Variants in ADGRA3 observed in about 807,000 individuals in gnomAD.
ADGRA3 encodes G-protein coupled receptor 125.
Under a neutral mutation model 119.8 loss-of-function variants are expected in ADGRA3, and 56 were observed. The ratio of observed to expected loss-of-function variants is 0.47; its 90% CI spans 0.38 to 0.58. ADGRA3 has a LOEUF of 0.58. Ranked by LOEUF, ADGRA3 falls within the 20% of genes least tolerant of loss-of-function variation. The pLI, the probability that ADGRA3 is intolerant of heterozygous loss-of-function variation, is 0.00. For missense variants in ADGRA3, 1,516 were observed against 1,649.0 expected, an observed-to-expected ratio of 0.92 and a Z score of 1.40; for synonymous variants, 607 against 623.8, an observed-to-expected ratio of 0.97 and a Z score of 0.40.
intron 15 of ADGRA3, 111 bp from the exon 16 acceptor site, chr4:22,401,665 T>C: frequency 1.4e-6 from 1 of 695,376 alleles, no homozygotes; most frequent in East Asian, 2.8e-5. Flanking sequence ...ATATTTGATA[T>C]TTAAACATTT....
intron 3 of ADGRA3, chr4:22,455,855 C>T (rs16872669): frequency 0.71 from 899,107 of 1,275,210 alleles, 323,620 homozygotes; most frequent in Non-Finnish European, 0.74. Context: ...GGACTTAGCC[C>T]TATGCAAGAA....
At chr4:22,458,344 G>A (rs903633998) in intron 3 of ADGRA3, among the ~76,000 whole-genome samples, 1 of 152,140 alleles carries the variant, frequency 6.6e-6, no homozygotes, top group African/African-American at 2.4e-5. Context: ...GGTGCAGCCT[G>A]TTTACGGTCA....
rs530102766 is a variant in ADGRA3, at chr4:22,504,736, T to G, written c.257+10792A>C. Among the ~76,000 whole-genome samples the G allele has an allele frequency of 1.3e-4, 20 of 152,034 alleles. No homozygotes were observed. In the South Asian group the frequency reaches 4.2e-3, roughly 32 times the overall value. ...CAACTGGCTCCTGTACTCTTTCTTC[T>G]ACCTTCTTTTTTTGTGGCAGATGAC... On this transcript the variant is annotated intron_variant, in intron 1 of 18. Coordinates refer to ENST00000334304, the MANE Select transcript of ADGRA3 (RefSeq NM_145290.4).
intron 1 of ADGRA3, 50 bp from the exon 2 acceptor site, chr4:22,473,893 T>C (rs892265514): frequency 1.8e-6 from 2 of 1,081,488 alleles, no homozygotes; most frequent in Middle Eastern, 2.1e-4. Context: ...ACTACCAATA[T>C]CAAAGTAATT....
intron 3 of ADGRA3, 110 bp from the exon 4 acceptor site, chr4:22,455,047 T>C (rs1717191871): frequency 4.1e-6 from 3 of 731,714 alleles, no homozygotes; most frequent in Admixed American, 2.1e-5. Flanking sequence ...ACCTTTATTC[T>C]AGCAACTTTG....
intron 14 of ADGRA3, among the ~76,000 whole-genome samples, chr4:22,406,452 A>T (rs547723539): frequency 1.3e-5 from 2 of 152,284 alleles, no homozygotes; most frequent in East Asian, 3.9e-4. Context: ...AATGTATAAG[A>T]GTTCTCTTCT....
chr4:22,421,881 CAAAAAAAAAA>C (rs754845592), intron 11 of ADGRA3, among the ~76,000 whole-genome samples: 3 of 70,440 alleles, frequency 4.3e-5, no homozygotes, highest in Non-Finnish European at 2.4e-5. Flanking sequence ...ACTCAGTCTC[CAAAAAAAAAA>C]AAAAAAAAAA....
Position 22,413,203 on chromosome 4 carries a change from A to G in ADGRA3, c.2211T>C (p.Leu737=). The change falls in exon 14 of 19, where the codon CTT becomes CTC. Residue 737 remains leucine (L), a synonymous_variant. Coordinates refer to ENST00000334304, the MANE Select transcript of ADGRA3 (RefSeq NM_145290.4). The stretch of plus-strand genomic sequence containing the variant: ...ATACCATTAAAACTGCATAGTTACT[A>G]AGGGAGTAGCACTGAATCGTAGTGA... ...ENITTIQCYS[L]SNYAVLMDLT... 1.2e-6 allele frequency: 2 copies of G among 1,613,412 alleles called. No individual in the cohort carries two copies. Among genetic ancestry groups the G allele is most frequent in the Non-Finnish European group, 1.7e-6 (2 of 1,179,358 alleles).
At chr4:22,405,063 G>A (rs1714844317) in intron 14 of ADGRA3, among the ~76,000 whole-genome samples, 1 of 152,134 alleles carries the variant, frequency 6.6e-6, no homozygotes, top group Non-Finnish European at 1.5e-5. Context: ...TAAAATGGAG[G>A]CTCCTCTAAT....
intron 1 of ADGRA3, among the ~76,000 whole-genome samples, chr4:22,499,702 A>G (rs1718982999): frequency 6.6e-6 from 1 of 152,224 alleles, no homozygotes. Flanking sequence ...TCAAGAATGC[A>G]GCAGATAAGC....
intron 14 of ADGRA3, 91 bp downstream of exon 14, chr4:22,413,091 A>C (rs955802358): frequency 1.9e-5 from 19 of 976,234 alleles, no homozygotes; most frequent in African/African-American, 1.9e-4. Context: ...AAAAAAAAAA[A>C]CAAAAAACAA....
intron 17 of ADGRA3, among the ~76,000 whole-genome samples, chr4:22,390,445 T>A (rs956597944): frequency 0.017 from 1,303 of 76,740 alleles, 76 homozygotes; most frequent in African/African-American, 0.061. Context: ...TATATATATA[T>A]AAAATACGTA....
chr4:22,446,323 G>T lies in ADGRA3; in HGVS notation c.545+1117C>A, dbSNP rs558838928. 2.0e-5 allele frequency among the ~76,000 whole-genome samples: 3 copies of T among 152,258 alleles called. No individual in the cohort carries two copies. In the South Asian group the frequency reaches 6.2e-4, roughly 32 times the overall value. On this transcript the variant is annotated intron_variant, in intron 5 of 18. Coordinates refer to ENST00000334304, the MANE Select transcript of ADGRA3 (RefSeq NM_145290.4). Reference sequence around the variant, plus strand: ...AAAACACTGGCAATTTCCCCCATTTGGGGGATGAAAATACTTCCCACGTTC... The same window carrying T: ...AAAACACTGGCAATTTCCCCCATTTTGGGGATGAAAATACTTCCCACGTTC...
At chr4:22,422,240 T>G (rs74911328) in intron 11 of ADGRA3, among the ~76,000 whole-genome samples, 1,802 of 152,312 alleles carry the variant, frequency 0.012, 27 homozygotes, top group African/African-American at 0.041. Context: ...ACGTATCACA[T>G]ATGGATGTCT....
chr4:22,512,143 T>C (rs4271996), intron 1 of ADGRA3, among the ~76,000 whole-genome samples: 149,837 of 151,852 alleles, frequency 0.99, 73,938 homozygotes, highest in Non-Finnish European at 0.99. Context: ...TCAAGTGATC[T>C]GCCCATCTCA....
Position 22,392,564 on chromosome 4 carries a change from G to A in ADGRA3, c.2608C>T (p.Pro870Ser). The A allele has an allele frequency of 1.2e-6, 2 of 1,613,970 alleles. No homozygotes were observed. Among genetic ancestry groups the A allele is most frequent in the Non-Finnish European group, 1.7e-6 (2 of 1,179,890 alleles). ...RCQDPDEPPP[P>S]PRPMLRFYLI... ...AGATACCTGAGCATTGGTCTTGGTG[G>A]AGGTGGTGGTTCATCAGGATCCTGG... is the stretch of plus-strand genomic sequence containing the variant. Residue 870 changes from proline (P) to serine (S), a missense_variant, in exon 17 of 19, where the codon CCA (proline) becomes TCA (serine). Physicochemically the swap from Pro to Ser is moderately conservative, Grantham distance 74. This residue lies in a region of ADGRA3 where 1,088 missense variants were observed against 1,107.1 expected (regional missense o/e 0.98). Transcript: ENST00000334304.
At chr4:22,481,191 A>G (rs926667840) in intron 1 of ADGRA3, among the ~76,000 whole-genome samples, 13 of 152,194 alleles carry the variant, frequency 8.5e-5, no homozygotes, top group African/African-American at 3.1e-4. Context: ...AAGAGATAAG[A>G]AAGGAAGGTT....
In ADGRA3 at chr4:22,450,949, A is replaced by ATAT. The variant is rs1168085129; in HGVS notation, c.474-3439_474-3438insATA. 3.0e-3 allele frequency among the ~76,000 whole-genome samples: 397 copies of ATAT among 133,186 alleles called. 2 individuals are homozygous for ATAT. Among genetic ancestry groups the ATAT allele is most frequent in the South Asian group, 9.3e-3 (38 of 4,074 alleles). 87.4% of individuals were successfully genotyped at this position (133,186 alleles called of 152,430 possible). ...CTGGATATAACAGAAAAAAAAAAAA[A>ATAT]AAATATATATATATATATATATACA... is the stretch of plus-strand genomic sequence containing the variant. On this transcript the variant is annotated intron_variant, in intron 4 of 18. Transcript: ENST00000334304.
chr4:22,412,105 G>T (rs987875853), intron 14 of ADGRA3, among the ~76,000 whole-genome samples: 3 of 151,954 alleles, frequency 2.0e-5, no homozygotes, highest in Non-Finnish European at 2.9e-5. Flanking sequence ...TTAGCACTTT[G>T]ATAAAACATT....
Sources: gnomAD v4.1 joint callset for allele counts (sites outside exome capture counted in the v4.1 genomes callset) on GRCh38, gnomAD v4.1.1 for gene constraint, gnomAD v4.1.1 regional missense constraint, MANE v1.5 for transcripts, NCBI Gene and HGNC (gene_info 2026-07-23, HGNC 2026-07-21) for gene names.